Variants in CBFA2T3 observed in about 807,000 individuals in gnomAD.
CBFA2T3 encodes CBFA2/RUNX1 partner transcriptional co-repressor 3, also known as transcriptional corepressor CBFA2T3.
CBFA2T3 carries 31 observed loss-of-function variants against 58.6 expected under a neutral mutation model. That is an observed-to-expected ratio of 0.53 (90% confidence interval 0.40 to 0.71). The LOEUF is 0.71. Ranked by LOEUF, CBFA2T3 falls within the 30% of genes least tolerant of loss-of-function variation. The pLI is 0.00. For missense variants in CBFA2T3, 1,076 were observed against 963.1 expected, an observed-to-expected ratio of 1.12 and a Z score of -1.55; for synonymous variants, 531 against 421.9, an observed-to-expected ratio of 1.26 and a Z score of -3.17.
intron 1 of CBFA2T3, among the ~76,000 whole-genome samples, chr16:88,932,835 G>A (rs1347377446): frequency 6.7e-6 from 1 of 148,554 alleles, no homozygotes; most frequent in African/African-American, 2.5e-5. Flanking sequence ...CGGGTGCAGT[G>A]GTGTGTGGCT....
rs895105732 is a variant in CBFA2T3, at chr16:88,891,432, G to A, written c.711+450C>T. ...GCAGATTTGAGAGTGGCTGTGGACCGAACGCCTTCCCACCCCAGGGTGCTG... is the reference window on the plus strand; with the variant it reads ...GCAGATTTGAGAGTGGCTGTGGACCAAACGCCTTCCCACCCCAGGGTGCTG... On this transcript the variant is annotated intron_variant, in intron 5 of 11. Transcript: ENST00000268679. Among the ~76,000 whole-genome samples, 8 of 152,262 alleles carry A rather than the reference G, an allele frequency of 5.3e-5. 1 individual carries two copies. Among genetic ancestry groups the A allele is most frequent in the South Asian group, 4.1e-4 (2 of 4,826 alleles).
At chr16:88,901,134 G>A (rs1044306132) in intron 2 of CBFA2T3, among the ~76,000 whole-genome samples, 4 of 152,250 alleles carry the variant, frequency 2.6e-5, no homozygotes, top group African/African-American at 9.6e-5. Flanking sequence ...GGATGAGCCT[G>A]GCATTCCTAG....
intron 1 of CBFA2T3, among the ~76,000 whole-genome samples, chr16:88,922,121 G>A (rs564079086): frequency 2.8e-4 from 42 of 152,346 alleles, no homozygotes; most frequent in African/African-American, 1.0e-3. Flanking sequence ...TTCAATGGCT[G>A]AGGCTGGCCT....
At chr16:88,917,701 C>T (rs570444898) in intron 1 of CBFA2T3, among the ~76,000 whole-genome samples, 3 of 152,296 alleles carry the variant, frequency 2.0e-5, no homozygotes, top group South Asian at 4.1e-4. Context: ...GGTGCCCCTG[C>T]GTCAAGTCAA....
intron 1 of CBFA2T3, among the ~76,000 whole-genome samples, chr16:88,942,992 A>G (rs1329592724): frequency 6.6e-6 from 1 of 152,192 alleles, no homozygotes. Context: ...TTATGCTCGA[A>G]ATTTATCCAT....
chr16:88,935,884 C>A (rs1179158142), intron 1 of CBFA2T3, among the ~76,000 whole-genome samples: 1 of 152,200 alleles, frequency 6.6e-6, no homozygotes, highest in Non-Finnish European at 1.5e-5. Context: ...GCGTTTGAGA[C>A]CCGAGGGACA....
chr16:88,892,798 T>C (rs1336895316), intron 3 of CBFA2T3, among the ~76,000 whole-genome samples: 1 of 152,024 alleles, frequency 6.6e-6, no homozygotes, highest in Non-Finnish European at 1.5e-5. Flanking sequence ...CCCCAATGGG[T>C]AAGGGCTGGG....
In CBFA2T3 at chr16:88,909,212, T is replaced by G. The variant is rs376787902; in HGVS notation, c.152-7556A>C. 2.0e-4 allele frequency among the ~76,000 whole-genome samples: 30 copies of G among 152,160 alleles called. 2 individuals are homozygous for G. Among genetic ancestry groups the G allele is most frequent in the Admixed American group, 1.6e-3 (25 of 15,290 alleles). On this transcript the variant is annotated intron_variant, in intron 1 of 11. Coordinates refer to ENST00000268679, the MANE Select transcript of CBFA2T3 (RefSeq NM_005187.6). Reference sequence around the variant, plus strand: ...TGCAAAGCCTTTTCTGGGGCTGTGGTGCAGGCAGGGCTCGGAGATGCTCAG... The same window carrying G: ...TGCAAAGCCTTTTCTGGGGCTGTGGGGCAGGCAGGGCTCGGAGATGCTCAG...
chr16:88,918,294 C>CG (rs1970804117), intron 1 of CBFA2T3, among the ~76,000 whole-genome samples: 1 of 152,232 alleles, frequency 6.6e-6, no homozygotes, highest in African/African-American at 2.4e-5. Context: ...CCCTGCAGGC[C>CG]GGGGGTGAAG....
intron 1 of CBFA2T3, among the ~76,000 whole-genome samples, chr16:88,904,594 G>A (rs1970231340): frequency 6.6e-6 from 1 of 152,270 alleles, no homozygotes; most frequent in Admixed American, 6.5e-5. Context: ...GGAGGCTGCA[G>A]GGGCAGGAGG....
In CBFA2T3 at chr16:88,913,187, C is replaced by T. The variant is rs145251606; in HGVS notation, c.152-11531G>A. 3.0e-3 allele frequency among the ~76,000 whole-genome samples: 451 copies of T among 152,346 alleles called. 2 individuals carry two copies. The highest frequency in any genetic ancestry group is 0.01 in the African/African-American group (419 of 41,572). ...TGACCCTGAGCCTGGACGTCAGCGGCGGGCAGCCCCACTAGCCCTCTGTGG... is the reference window on the plus strand; with the variant it reads ...TGACCCTGAGCCTGGACGTCAGCGGTGGGCAGCCCCACTAGCCCTCTGTGG... On this transcript the variant is annotated intron_variant, in intron 1 of 11. Transcript: ENST00000268679.
chr16:88,876,576 T>G lies in CBFA2T3; in HGVS notation c.*400A>C. On this transcript the variant is annotated 3_prime_UTR_variant, in exon 12 of 12. Transcript: ENST00000268679. ...CGATTTTTTCATTGAAGAGAAAGTGTGTGATAGTCATAGAGAGAGAGAGGA... is the reference window on the plus strand; with the variant it reads ...CGATTTTTTCATTGAAGAGAAAGTGGGTGATAGTCATAGAGAGAGAGAGGA... 1 of 255,340 alleles carries G rather than the reference T, an allele frequency of 3.9e-6. No individual in the cohort carries two copies. 15.8% of individuals were successfully genotyped at this position (255,340 alleles called of 1,614,324 possible).
chr16:88,918,465 C>T (rs1379503438), intron 1 of CBFA2T3, among the ~76,000 whole-genome samples: 6 of 152,248 alleles, frequency 3.9e-5, no homozygotes, highest in Non-Finnish European at 8.8e-5. Context: ...GGGAGGCCTT[C>T]GCCACTCTCA....
intron 7 of CBFA2T3, chr16:88,883,126 A>G: frequency 3.0e-6 from 1 of 337,608 alleles, no homozygotes; most frequent in Non-Finnish European, 5.7e-6. Context: ...CTGGAGCTGG[A>G]GCAGTGTCCT....
rs770771149 is a variant in CBFA2T3, at chr16:88,880,780, G to A, written c.1411C>T (p.Arg471Cys). ...GTGAGGGTCCTCGGCAGGAACTCGC[G>A]AGGCACGTCTGAAACAGGGGCCGGC... is the stretch of plus-strand genomic sequence containing the variant. ...GPEGPQLDVP[R>C]EFLPRTLTGY... The change falls in exon 10 of 12, where the codon CGC becomes TGC. Residue 471 changes from arginine to cysteine, a missense_variant. By Grantham distance (180) the Arg-to-Cys change is radical. Coordinates refer to ENST00000268679, the MANE Select transcript of CBFA2T3 (RefSeq NM_005187.6). The A allele has an allele frequency of 1.1e-5, 17 of 1,583,622 alleles. No individual in the cohort carries two copies. The highest frequency in any genetic ancestry group is 5.4e-5 in the African/African-American group (4 of 74,338).
intron 1 of CBFA2T3, among the ~76,000 whole-genome samples, chr16:88,915,100 C>T (rs561752252): frequency 6.6e-6 from 1 of 151,362 alleles, no homozygotes; most frequent in African/African-American, 2.4e-5. Flanking sequence ...CTTCTCTTGT[C>T]TCCATGCCCC....
intron 1 of CBFA2T3, among the ~76,000 whole-genome samples, chr16:88,946,605 C>G (rs1971908582): frequency 6.6e-6 from 1 of 151,870 alleles, no homozygotes; most frequent in South Asian, 2.1e-4. Context: ...GCCTCAGCCT[C>G]CCGAGTAGCT....
Position 88,882,818 on chromosome 16 carries a change from TCTCCCAGACCCCGCCCTCTG to T in CBFA2T3, c.1118-77_1118-58del, listed in dbSNP as rs1969183637. ...CACCCACAGCCAGTCTCTGCCCTATTCTCCCAGACCCCGCCCTCTGCTCCCAGGCCCCACCCGTGGGCTGT... is the reference window on the plus strand; with the variant it reads ...CACCCACAGCCAGTCTCTGCCCTATTCTCCCAGGCCCCACCCGTGGGCTGT... On this transcript the variant is annotated intron_variant, in intron 7 of 11. Transcript: ENST00000268679. 6.7e-6 allele frequency: 8 copies of T among 1,193,260 alleles called. No individual in the cohort carries two copies. The Middle Eastern group carries it at 5.7e-4, about 85-fold the overall frequency. The allele number at this position is 1,193,260 out of a possible 1,614,324, so 73.9% of individuals were successfully genotyped here.
At chr16:88,886,571 C>G (rs1417886241) in intron 5 of CBFA2T3, 1 of 157,712 alleles carries the variant, frequency 6.3e-6, no homozygotes, top group African/African-American at 2.4e-5. Flanking sequence ...TGGGGAAATG[C>G]AGGCTCAGAG....
Sources: gnomAD v4.1 joint callset for allele counts (sites outside exome capture counted in the v4.1 genomes callset) on GRCh38, gnomAD v4.1.1 for gene constraint, MANE v1.5 for transcripts, NCBI Gene and HGNC (gene_info 2026-07-23, HGNC 2026-07-21) for gene names.